The following CD44 variants were observed in gnomAD, a reference collection of about 807,000 sequenced individuals.
CD44 encodes CD44 antigen.
In CD44, 49 loss-of-function variants were observed where a neutral mutation model predicts 88.8. The ratio of observed to expected loss-of-function variants is 0.55; its 90% CI spans 0.44 to 0.70. The LOEUF (loss-of-function observed/expected upper bound fraction) is 0.70, where lower values mean the gene tolerates loss of function less well. Ranked by LOEUF, CD44 falls within the 30% of genes least tolerant of loss-of-function variation. The probability of loss-of-function intolerance (pLI) is 0.00; values close to 1 mark genes in which losing one functional copy is unlikely to be tolerated. For missense variants in CD44, 883 were observed against 913.8 expected (o/e 0.97, Z 0.43); for synonymous variants, 325 against 312.3 (o/e 1.04, Z -0.43).
In CD44 at chr11:35,204,586, G is replaced by A. The variant is rs1271862321; in HGVS notation, c.1228G>A (p.Glu410Lys). Residue 410 changes from glutamate (E) to lysine (K), a missense_variant, in exon 10 of 18, where the codon GAG (glutamate) becomes AAG (lysine). Physicochemically the swap from Glu to Lys is moderately conservative, Grantham distance 56 (BLOSUM62 1). Coordinates refer to ENST00000428726, the MANE Select transcript of CD44 (RefSeq NM_000610.4). ...ACAGTGGTTTGGCAACAGATGGCAT[G>A]AGGGATATCGCCAAACACCCAAAGA... ...KEQWFGNRWHEGYRQTPKEDS... is the reference protein window; with the variant it reads ...KEQWFGNRWHKGYRQTPKEDS... 6.2e-7 allele frequency: 1 copy of A among 1,613,176 alleles called. No homozygotes were observed. Among genetic ancestry groups the A allele is most frequent in the Non-Finnish European group, 8.5e-7 (1 of 1,179,248 alleles).
chr11:35,208,105 A>G lies in CD44; in HGVS notation c.1415A>G (p.Asp472Gly). ...ATAACACTAATATTGATTCCTTCAG[A>G]TATGGACTCCAGTCATAGTATAACG... ...GRGHQAGRRMDMDSSHSITLQ... is the reference protein window; with the variant it reads ...GRGHQAGRRMGMDSSHSITLQ... Residue 472 changes from aspartate to glycine, a missense_variant and splice_region_variant, in exon 12 of 18, where the codon GAT (aspartate) becomes GGT (glycine). Physicochemically the swap from Asp to Gly is moderately conservative, Grantham distance 94. Transcript: ENST00000428726. 3 of 1,573,214 alleles carry G rather than the reference A, an allele frequency of 1.9e-6. No homozygotes were observed. The highest frequency in any genetic ancestry group is 2.6e-6 in the Non-Finnish European group (3 of 1,143,140).
At chr11:35,146,986 C>A (rs1480001020) in intron 1 of CD44, among the ~76,000 whole-genome samples, 3 of 152,148 alleles carry the variant, frequency 2.0e-5, no homozygotes, top group Admixed American at 6.5e-5. Flanking sequence ...TGAATAGAAG[C>A]TCTACTCTCT....
At chr11:35,222,090 G>A (rs1037311907) in intron 17 of CD44, among the ~76,000 whole-genome samples, 2 of 152,204 alleles carry the variant, frequency 1.3e-5, no homozygotes, top group African/African-American at 4.8e-5. Context: ...TCTGATGAAA[G>A]TTATGAAGTA....
chr11:35,177,881 G>A (rs894306422), intron 2 of CD44, among the ~76,000 whole-genome samples: 5 of 152,214 alleles, frequency 3.3e-5, no homozygotes, highest in Admixed American at 6.5e-5. Flanking sequence ...TTAAGTGCTC[G>A]GTTAGTCACC....
At chr11:35,210,088 T>C in intron 13 of CD44, 34 bp downstream of exon 13, 1 of 1,262,500 alleles carries the variant, frequency 7.9e-7, no homozygotes, top group Non-Finnish European at 1.1e-6. Context: ...GCTTCAGCTA[T>C]TGATAAGAAT....
At chr11:35,141,683 G>A (rs552596895) in intron 1 of CD44, among the ~76,000 whole-genome samples, 31 of 152,288 alleles carry the variant, frequency 2.0e-4, no homozygotes, top group Admixed American at 7.8e-4. Flanking sequence ...CTCCTGCCCC[G>A]TGTTTCCACG....
chr11:35,176,647 CG>C lies in CD44; in HGVS notation c.142del (p.Glu48ArgfsTer23), dbSNP rs1423530307. 1 of 1,614,172 alleles carries C rather than the reference CG, an allele frequency of 6.2e-7. No homozygotes were observed. Among genetic ancestry groups the C allele is most frequent in the Non-Finnish European group, 8.5e-7 (1 of 1,179,994 alleles). The stretch of plus-strand genomic sequence containing the variant: ...AATGGTCGCTACAGCATCTCTCGGA[CG>C]GAGGCCGCTGACCTCTGCAAGGCTT... ...EKNGRYSISR[T>X]EAADLCKAFN... On this transcript the variant is annotated frameshift_variant, in exon 2 of 18. Coordinates refer to ENST00000428726, the MANE Select transcript of CD44 (RefSeq NM_000610.4). LOFTEE classifies it high-confidence loss of function.
rs959862111 is a variant in CD44, at chr11:35,230,800, G to C, written c.*1467G>C. 2.6e-5 allele frequency: 4 copies of C among 152,136 alleles called. No homozygotes were observed. 9.4% of individuals were successfully genotyped at this position (152,136 alleles called of 1,614,324 possible). ...CCGATTGGTCCTAGAACTTCCAAAGGCTGCTTGTCATAGAAGCCATTGCAT... is the reference window on the plus strand; with the variant it reads ...CCGATTGGTCCTAGAACTTCCAAAGCCTGCTTGTCATAGAAGCCATTGCAT... On this transcript the variant is annotated 3_prime_UTR_variant, in exon 18 of 18. Transcript: ENST00000428726.
intron 1 of CD44, chr11:35,139,728 G>A (rs773014622): frequency 1.7e-5 from 9 of 521,816 alleles, no homozygotes; most frequent in Middle Eastern, 3.8e-4. Flanking sequence ...CCAAGGGCTC[G>A]CCAAGCCCCA....
At position 35,201,757 on chromosome 11, in the gene CD44, G is replaced by C; in HGVS notation, c.1123G>C (p.Glu375Gln). 6.2e-7 allele frequency: 1 copy of C among 1,613,840 alleles called. No homozygotes were observed. The highest frequency in any genetic ancestry group is 8.5e-7 in the Non-Finnish European group (1 of 1,179,782). The stretch of plus-strand genomic sequence containing the variant: ...CCTCATTCACCATGAGCATCATGAG[G>C]AAGAAGAGACCCCACATTCTACAAG... ...PPLIHHEHHE[E>Q]EETPHSTSTI... Residue 375 changes from glutamate (E) to glutamine (Q), a missense_variant, in exon 9 of 18, where the codon GAA (glutamate) becomes CAA (glutamine). This residue lies in a region of CD44 where 631 missense variants were observed against 590.9 expected (regional missense o/e 1.07). Transcript: ENST00000428726.
intron 17 of CD44, among the ~76,000 whole-genome samples, chr11:35,227,954 A>G (rs1053972150): frequency 6.6e-6 from 1 of 152,256 alleles, no homozygotes; most frequent in Non-Finnish European, 1.5e-5. Flanking sequence ...TTATGGGAAC[A>G]ATAGCTGCTT....
At chr11:35,145,772 T>A (rs1859022338) in intron 1 of CD44, among the ~76,000 whole-genome samples, 2 of 152,132 alleles carry the variant, frequency 1.3e-5, no homozygotes. Flanking sequence ...GAAGTAGAAG[T>A]ACTATATGGG....
At chr11:35,146,497 G>A (rs1437750016) in intron 1 of CD44, among the ~76,000 whole-genome samples, 1 of 152,226 alleles carries the variant, frequency 6.6e-6, no homozygotes, top group African/African-American at 2.4e-5. Flanking sequence ...CACTTACAGA[G>A]TGTTGACCAT....
chr11:35,150,231 C>T (rs1860045872), intron 1 of CD44, among the ~76,000 whole-genome samples: 1 of 152,148 alleles, frequency 6.6e-6, no homozygotes, highest in African/African-American at 2.4e-5. Flanking sequence ...TCAGACAAAG[C>T]AGTACTTACA....
rs5791036 is a variant in CD44, at chr11:35,169,413, A to AACACAC, written c.68-7138_68-7133dup. 2.7e-5 allele frequency among the ~76,000 whole-genome samples: 4 copies of AACACAC among 148,972 alleles called. No individual in the cohort carries two copies. In the East Asian group the frequency reaches 5.9e-4, roughly 22 times the overall value. On this transcript the variant is annotated intron_variant, in intron 1 of 17. Transcript: ENST00000428726. Reference sequence around the variant, plus strand: ...AAAACCAGAGATGTTGCCCTACCTAAACACACACACACACACACACACACA... The same window carrying AACACAC: ...AAAACCAGAGATGTTGCCCTACCTAAACACACACACACACACACACACACACACACA...
chr11:35,190,166 C>G, intron 5 of CD44, 101 bp downstream of exon 5: 2 of 1,039,438 alleles, frequency 1.9e-6, no homozygotes, highest in Non-Finnish European at 2.9e-6. Context: ...TTTCTCGTCT[C>G]TAGACAGCTG....
rs906686846 is a variant in CD44 at position 35,222,450 on chromosome 11, G to C, written c.2024+718G>C. The C allele has an allele frequency of 3.9e-6, 5 of 1,265,946 alleles. No homozygotes were observed. The African/African-American group carries it at 7.8e-5, about 20-fold the overall frequency. The allele number at this position is 1,265,946 out of a possible 1,614,324, so 78.4% of individuals were successfully genotyped here. ...TTGCTGTTAGGAGGTCTATGAAGCA[G>C]AGAAGAACTTTCCTTTGGAAAACAA... On this transcript the variant is annotated intron_variant, in intron 17 of 17. Coordinates refer to ENST00000428726, the MANE Select transcript of CD44 (RefSeq NM_000610.4).
At chr11:35,140,578 G>A (rs1304830823) in intron 1 of CD44, among the ~76,000 whole-genome samples, 1 of 152,154 alleles carries the variant, frequency 6.6e-6, no homozygotes, top group Non-Finnish European at 1.5e-5. Context: ...TTCTGCAGTA[G>A]GAAGAAAGTG....
At chr11:35,215,256 C>A (rs1195982814) in intron 15 of CD44, among the ~76,000 whole-genome samples, 1 of 152,224 alleles carries the variant, frequency 6.6e-6, no homozygotes, top group African/African-American at 2.4e-5. Context: ...CCCAATTTAA[C>A]CTTGCACTAC....
Sources: allele counts gnomAD v4.1 joint callset (sites outside exome capture counted in the v4.1 genomes callset), GRCh38; gene constraint gnomAD v4.1.1; regional missense constraint gnomAD v4.1.1; transcripts MANE v1.5; gene names NCBI Gene and HGNC (gene_info 2026-07-23, HGNC 2026-07-21).